The following DGKZ variants were observed in gnomAD, a reference collection of about 807,000 sequenced individuals.
The protein encoded by DGKZ is diacylglycerol kinase zeta, also known as DAG kinase zeta.
Under a neutral mutation model 142.5 loss-of-function variants are expected in DGKZ, and 45 were observed. That is an observed-to-expected ratio of 0.32 (90% CI 0.25 to 0.40). The LOEUF (loss-of-function observed/expected upper bound fraction) is 0.40, where lower values mean the gene tolerates loss of function less well. Among genes scored for constraint, DGKZ ranks in the 10% least tolerant of loss-of-function variants. The pLI is 1.00. For synonymous variants in DGKZ, 442 were observed against 527.0 expected, an observed-to-expected ratio of 0.84 and a Z score of 2.21; for missense variants, 755 against 1,306.5, an observed-to-expected ratio of 0.58 and a Z score of 6.51.
At chr11:46,369,226 G>A (rs1416186209) in intron 4 of DGKZ, 2 of 553,570 alleles carry the variant, frequency 3.6e-6, no homozygotes, top group Non-Finnish European at 6.5e-6. Context: ...TCCCATGTTA[G>A]TGGGGGAGAC....
chr11:46,366,787 C>G (rs758036457), intron 1 of DGKZ: 1 of 1,548,014 alleles, frequency 6.5e-7, no homozygotes. Flanking sequence ...ACCACGCTCT[C>G]TGGGGCCTGC....
At position 46,374,593 on chromosome 11, in the gene DGKZ, G is replaced by T; in HGVS notation, c.1462-11G>T. The T allele has an allele frequency of 6.3e-7, 1 of 1,586,950 alleles. No homozygotes were observed. Reference sequence around the variant, plus strand: ...CTGTCAGCAGATGGTGACGCCCTCTGTCTCCCACAGACAGCTTTCTCTGAC... The same window carrying T: ...CTGTCAGCAGATGGTGACGCCCTCTTTCTCCCACAGACAGCTTTCTCTGAC... On this transcript the variant is annotated splice_polypyrimidine_tract_variant and intron_variant, in intron 16 of 30. Transcript: ENST00000527911.
At position 46,341,763 on chromosome 11, in the gene DGKZ, T is replaced by C. The variant is rs140880298; in HGVS notation, c.212+8276T>C. ...GGGAAGACAACCTAGGAGTGCAACA[T>C]AGGCAAAGGGAATGGCAGGGGTTAG... is the stretch of plus-strand genomic sequence containing the variant. On this transcript the variant is annotated intron_variant, in intron 1 of 30. Coordinates refer to the DGKZ transcript ENST00000343674. Among the ~76,000 whole-genome samples the C allele has an allele frequency of 1.4e-3, 215 of 151,962 alleles. 1 individual carries two copies. Among genetic ancestry groups the C allele is most frequent in the Admixed American group, 4.7e-3 (72 of 15,272 alleles).
chr11:46,346,984 G>A (rs1590392279), upstream of DGKZ, among the ~76,000 whole-genome samples: 2 of 152,188 alleles, frequency 1.3e-5, no homozygotes, highest in Non-Finnish European at 2.9e-5. Context: ...ATTGTGTAAG[G>A]GATGTGTTTG....
intron 1 of DGKZ, among the ~76,000 whole-genome samples, chr11:46,355,357 C>T (rs1056109631): frequency 1.8e-4 from 28 of 152,214 alleles, no homozygotes; most frequent in Non-Finnish European, 2.5e-4. Context: ...ATCCGCCCGC[C>T]TCAGCCTCCC....
chr11:46,372,158 T>C lies in DGKZ; in HGVS notation c.915T>C (p.Ser305=), dbSNP rs751794491. 6 of 1,607,172 alleles carry C rather than the reference T, an allele frequency of 3.7e-6. No individual in the cohort carries two copies. The South Asian group carries it at 6.6e-5, about 18-fold the overall frequency. ...TGCTGGTGTTTGTGAACCCCAAGAG[T>C]GGGGGCAACCAGGTGAACGCGGCCT... The change falls in exon 10 of 31, where the codon AGT becomes AGC. Residue 305 remains serine, a synonymous_variant. Transcript: ENST00000527911. This position sits in a 1 kb window ranked among gnomAD's most constrained non-coding sequence, Gnocchi z 5.9.
At chr11:46,356,618 C>T (rs890114445) in intron 1 of DGKZ, among the ~76,000 whole-genome samples, 29 of 152,102 alleles carry the variant, frequency 1.9e-4, no homozygotes, top group Admixed American at 8.5e-4. Flanking sequence ...CCGGATGCCA[C>T]GTGGTGCCAC....
At chr11:46,375,292 A>G in intron 19 of DGKZ, 140 bp from the exon 20 acceptor site, 2 of 1,016,362 alleles carry the variant, frequency 2.0e-6, no homozygotes. Context: ...CTGGGGTCTC[A>G]GCCTCCCCTC....
In DGKZ at chr11:46,369,649, C is replaced by G. The variant is rs936893401; in HGVS notation, c.501+99C>G. The G allele has an allele frequency of 4.3e-5, 62 of 1,457,296 alleles. No homozygotes were observed. The African/African-American group carries it at 8.0e-4, about 19-fold the overall frequency. The allele number at this position is 1,457,296 out of a possible 1,614,324, so 90.3% of individuals were successfully genotyped here. On this transcript the variant is annotated intron_variant, in intron 5 of 30. Coordinates refer to ENST00000527911, the Ensembl canonical transcript of DGKZ. ...GTGCCACCAGGGGGCTCGGCTCCCT[C>G]TAGGCTGCTGCTCACTGAGGTCTGT...
rs188876645 is a variant in DGKZ at position 46,372,309 on chromosome 11, C to T, written c.928-119C>T. The T allele has an allele frequency of 4.6e-4, 616 of 1,345,466 alleles. 7 individuals carry two copies. In the East Asian group the frequency reaches 0.012, roughly 25 times the overall value. The allele number at this position is 1,345,466 out of a possible 1,614,324, so 83.3% of individuals were successfully genotyped here. A position where few individuals can be genotyped will look rare whatever the true frequency, so the allele number is the denominator to read the frequency against. ...CCAGGGATCCTGAGAAAATCCTGTC[C>T]TTTCTCCACCCCTCACCCCTTATTG... On this transcript the variant is annotated intron_variant, in intron 10 of 30. Transcript: ENST00000527911. The surrounding 1 kb of genome is among the most constrained non-coding windows in gnomAD (Gnocchi z 5.9).
At position 46,367,220 on chromosome 11, in the gene DGKZ, G is replaced by A; in HGVS notation, c.162-71G>A. The A allele has an allele frequency of 7.1e-7, 1 of 1,417,174 alleles. No homozygotes were observed. The highest frequency in any genetic ancestry group is 9.7e-7 in the Non-Finnish European group (1 of 1,025,732). 87.8% of individuals were successfully genotyped at this position (1,417,174 alleles called of 1,614,324 possible). A position where few individuals can be genotyped will look rare whatever the true frequency, so the allele number is the denominator to read the frequency against. On this transcript the variant is annotated intron_variant, in intron 1 of 30. Coordinates refer to ENST00000527911, the Ensembl canonical transcript of DGKZ. This position sits in a 1 kb window ranked among gnomAD's most constrained non-coding sequence, Gnocchi z 4.1. ...TGCCGAGGTCACGGAAAGGGCAGAGGCCCCAGGAGGTGGGAGGAAGTAGGG... is the reference window on the plus strand; with the variant it reads ...TGCCGAGGTCACGGAAAGGGCAGAGACCCCAGGAGGTGGGAGGAAGTAGGG...
At chr11:46,339,473 A>T (rs1940173464) in intron 1 of DGKZ, among the ~76,000 whole-genome samples, 2 of 152,202 alleles carry the variant, frequency 1.3e-5, no homozygotes, top group South Asian at 4.1e-4. Flanking sequence ...CCCTCCCCTC[A>T]GGGACCTGCA....
chr11:46,378,114 T>A lies in DGKZ; in HGVS notation c.2343-84T>A, dbSNP rs566732723. 181 of 1,528,904 alleles carry A rather than the reference T, an allele frequency of 1.2e-4. 2 individuals carry two copies. Among genetic ancestry groups the A allele is most frequent in the Middle Eastern group, 5.0e-4 (3 of 5,948 alleles). The allele number at this position is 1,528,904 out of a possible 1,614,324, so 94.7% of individuals were successfully genotyped here. A position where few individuals can be genotyped will look rare whatever the true frequency, so the allele number is the denominator to read the frequency against. ...GGCACTCAATAAACTGTGGAAAGGATGAAGATGCCCCCAGTTGGGGTTGGG... is the reference window on the plus strand; with the variant it reads ...GGCACTCAATAAACTGTGGAAAGGAAGAAGATGCCCCCAGTTGGGGTTGGG... On this transcript the variant is annotated intron_variant, in intron 25 of 30. Coordinates refer to ENST00000527911, the Ensembl canonical transcript of DGKZ.
In DGKZ at chr11:46,351,524, C is replaced by T. The variant is rs138493929; in HGVS notation, c.161+3704C>T. Among the ~76,000 whole-genome samples, 404 of 152,292 alleles carry T rather than the reference C, an allele frequency of 2.7e-3. 2 individuals are homozygous for T. The highest frequency in any genetic ancestry group is 9.4e-3 in the African/African-American group (390 of 41,558). On this transcript the variant is annotated intron_variant, in intron 1 of 30. Coordinates refer to ENST00000527911, the Ensembl canonical transcript of DGKZ. Reference sequence around the variant, plus strand: ...GCAGCCCCTGTTTGAGTTGGTTCTGCAATGAATAGGGAGGGACGTGTTGAG... The same window carrying T: ...GCAGCCCCTGTTTGAGTTGGTTCTGTAATGAATAGGGAGGGACGTGTTGAG...
intron 1 of DGKZ, among the ~76,000 whole-genome samples, chr11:46,351,243 T>A (rs149890963): frequency 3.3e-4 from 51 of 152,250 alleles, no homozygotes; most frequent in African/African-American, 1.1e-3. Context: ...CCCAGGGGCA[T>A]CAGAAATTAC....
At chr11:46,366,181 C>T (rs780947386) in intron 1 of DGKZ, 30 of 1,440,470 alleles carry the variant, frequency 2.1e-5, no homozygotes, top group East Asian at 1.5e-4. Context: ...AATGGGCTCC[C>T]GGACACAGGA....
At chr11:46,342,366 T>C (rs539899065) in intron 1 of DGKZ, among the ~76,000 whole-genome samples, 30 of 152,328 alleles carry the variant, frequency 2.0e-4, no homozygotes, top group Middle Eastern at 3.4e-3. Context: ...CCCTGCTTCT[T>C]GAAGCCTCCA....
At chr11:46,354,902 T>A (rs2136419455) in intron 1 of DGKZ, among the ~76,000 whole-genome samples, 1 of 152,316 alleles carries the variant, frequency 6.6e-6, no homozygotes, top group Non-Finnish European at 1.5e-5. Context: ...CCACGTCCGA[T>A]TCCATTGTGT....
chr11:46,362,431 C>A (rs1942770719), intron 1 of DGKZ, among the ~76,000 whole-genome samples: 4 of 152,162 alleles, frequency 2.6e-5, no homozygotes, highest in Non-Finnish European at 1.5e-5. Context: ...GCTTCCCTTT[C>A]TGGGTTCCTG....
Sources: allele counts gnomAD v4.1 joint callset (sites outside exome capture counted in the v4.1 genomes callset), GRCh38; gene constraint gnomAD v4.1.1; non-coding constraint Gnocchi (gnomAD v3.1); transcripts MANE v1.5; gene names NCBI Gene and HGNC (gene_info 2026-07-23, HGNC 2026-07-21).